Variants in CERT1 observed in about 807,000 individuals in gnomAD.
CERT1 encodes ceramide transporter 1.
A neutral mutation model predicts 87.9 loss-of-function variants in CERT1; 31 were observed. That is an observed-to-expected ratio of 0.35 (90% confidence interval 0.27 to 0.48). CERT1 has a LOEUF of 0.48. Among genes scored for constraint, CERT1 ranks in the 20% least tolerant of loss-of-function variants. The probability of loss-of-function intolerance (pLI) is 0.99; values close to 1 mark genes in which losing one functional copy is unlikely to be tolerated. For missense variants in CERT1, 487 were observed against 758.0 expected, an observed-to-expected ratio of 0.64 and a Z score of 4.20; for synonymous variants, 289 against 250.9, an observed-to-expected ratio of 1.15 and a Z score of -1.44.
At chr5:75,463,097 T>C (rs1765308144) in intron 2 of CERT1, among the ~76,000 whole-genome samples, 1 of 137,490 alleles carries the variant, frequency 7.3e-6, no homozygotes, top group South Asian at 2.2e-4. Flanking sequence ...ATAAAGCAAA[T>C]ACTTTAGCTG....
intron 2 of CERT1, among the ~76,000 whole-genome samples, chr5:75,470,604 A>T (rs1765664489): frequency 6.6e-6 from 1 of 152,200 alleles, no homozygotes; most frequent in Non-Finnish European, 1.5e-5. Flanking sequence ...TAGTTATAGA[A>T]GAAATGTACC....
intron 2 of CERT1, among the ~76,000 whole-genome samples, chr5:75,483,815 T>C (rs561885286): frequency 1.3e-5 from 2 of 152,124 alleles, no homozygotes; most frequent in South Asian, 2.1e-4. Context: ...AGACCTGTCT[T>C]GTAAGAGCTG....
intron 2 of CERT1, among the ~76,000 whole-genome samples, chr5:75,491,512 CA>C (rs113977857): frequency 8.7e-5 from 13 of 150,014 alleles, no homozygotes; most frequent in African/African-American, 2.9e-4. Flanking sequence ...ACTGAAAATA[CA>C]AAAAAAAAGG....
At chr5:75,443,716 T>C (rs1468332163) in intron 3 of CERT1, among the ~76,000 whole-genome samples, 1 of 152,232 alleles carries the variant, frequency 6.6e-6, no homozygotes, top group Non-Finnish European at 1.5e-5. Context: ...TCTGTTTCTT[T>C]ACTTAATTCT....
chr5:75,446,161 C>G (rs1764525007), intron 3 of CERT1, among the ~76,000 whole-genome samples: 1 of 152,236 alleles, frequency 6.6e-6, no homozygotes, highest in East Asian at 1.9e-4. Context: ...TCAGATGTGT[C>G]CCATAGTTCT....
At chr5:75,443,059 A>G (rs762993524) in intron 3 of CERT1, among the ~76,000 whole-genome samples, 56 of 152,282 alleles carry the variant, frequency 3.7e-4, no homozygotes, top group Non-Finnish European at 6.6e-4. Context: ...TAGGACTGCT[A>G]TAACATCCCT....
chr5:75,490,004 T>C (rs1376764420), intron 2 of CERT1, among the ~76,000 whole-genome samples: 5 of 152,210 alleles, frequency 3.3e-5, no homozygotes, highest in Admixed American at 1.3e-4. Flanking sequence ...CACCATGGAA[T>C]ACTATGCAGC....
chr5:75,474,350 G>A (rs773977709), intron 2 of CERT1, among the ~76,000 whole-genome samples: 18 of 152,124 alleles, frequency 1.2e-4, no homozygotes, highest in Non-Finnish European at 1.2e-4. Context: ...GCTGAATAAA[G>A]CCCTTCCTTC....
chr5:75,471,754 CA>C (rs796209502), intron 2 of CERT1, among the ~76,000 whole-genome samples: 195 of 50,790 alleles, frequency 3.8e-3, no homozygotes, highest in South Asian at 0.022. Context: ...GACTTCATCT[CA>C]AAAAAAAAAA....
intron 11 of CERT1, among the ~76,000 whole-genome samples, chr5:75,390,262 G>T (rs1262926807): frequency 6.6e-6 from 1 of 152,130 alleles, no homozygotes; most frequent in Non-Finnish European, 1.5e-5. Context: ...CCTTTCTTAT[G>T]CCACTGATAA....
intron 3 of CERT1, among the ~76,000 whole-genome samples, chr5:75,453,901 A>G (rs1249376775): frequency 6.6e-6 from 1 of 152,192 alleles, no homozygotes; most frequent in East Asian, 1.9e-4. Context: ...CAAAGAATTT[A>G]TAATCAGCAT....
At chr5:75,404,102 C>G (rs937641879) in intron 8 of CERT1, among the ~76,000 whole-genome samples, 1 of 151,922 alleles carries the variant, frequency 6.6e-6, no homozygotes, top group African/African-American at 2.4e-5. Flanking sequence ...AAACTCATAA[C>G]CCCAAGTCAT....
chr5:75,418,903 G>C (rs1421143153), intron 6 of CERT1, among the ~76,000 whole-genome samples: 1 of 152,110 alleles, frequency 6.6e-6, no homozygotes, highest in Non-Finnish European at 1.5e-5. Context: ...TGTGTTGATA[G>C]TTTCACGAAA....
chr5:75,464,635 G>A (rs954781014), intron 2 of CERT1, among the ~76,000 whole-genome samples: 6 of 152,146 alleles, frequency 3.9e-5, no homozygotes, highest in African/African-American at 1.4e-4. Context: ...GGCTGGAGTG[G>A]TGCAATCTTG....
upstream of CERT1, chr5:75,511,912 C>T: frequency 7.8e-7 from 1 of 1,281,050 alleles, no homozygotes; most frequent in Admixed American, 2.3e-5. Context: ...CCTGAGGTAA[C>T]GGGTGAGTAT....
chr5:75,474,546 G>GA (rs1331785026), intron 2 of CERT1, among the ~76,000 whole-genome samples: 1 of 152,070 alleles, frequency 6.6e-6, no homozygotes, highest in Non-Finnish European at 1.5e-5. Context: ...AATCCAATCT[G>GA]AAGAATAATG....
At chr5:75,462,292 A>C (rs1765265918) in intron 2 of CERT1, among the ~76,000 whole-genome samples, 1 of 152,246 alleles carries the variant, frequency 6.6e-6, no homozygotes, top group Non-Finnish European at 1.5e-5. Flanking sequence ...CATGGAAGAC[A>C]GTTTTTCCAA....
chr5:75,450,935 C>T (rs1192053911), intron 3 of CERT1, among the ~76,000 whole-genome samples: 2 of 152,168 alleles, frequency 1.3e-5, no homozygotes, highest in African/African-American at 2.4e-5. Flanking sequence ...CCTCCTAGGG[C>T]TGTGTCATGG....
At chr5:75,395,659 C>T (rs1446064489) in intron 11 of CERT1, among the ~76,000 whole-genome samples, 1 of 150,890 alleles carries the variant, frequency 6.6e-6, no homozygotes, top group African/African-American at 2.4e-5. Context: ...GTCAGGAGTT[C>T]GAGACCAGCC....
Sources: allele counts gnomAD v4.1 joint callset (sites outside exome capture counted in the v4.1 genomes callset), GRCh38; gene constraint gnomAD v4.1.1; transcripts MANE v1.5; gene names NCBI Gene and HGNC (gene_info 2026-07-23, HGNC 2026-07-21).